CDK14: variants seen among roughly 807,000 people sequenced by gnomAD.
CDK14 encodes the protein cyclin dependent kinase 14, also known as cyclin-dependent kinase 14.
In CDK14, 34 loss-of-function variants were observed where a neutral mutation model predicts 60.7. The observed-to-expected ratio is 0.56, with a 90% CI of 0.43 to 0.75. The LOEUF (loss-of-function observed/expected upper bound fraction) is 0.75, where lower values mean the gene tolerates loss of function less well. Among genes scored for constraint, CDK14 ranks in the 30% least tolerant of loss-of-function variants. The probability of loss-of-function intolerance (pLI) is 0.00; values close to 1 mark genes in which losing one functional copy is unlikely to be tolerated. For synonymous variants in CDK14, 197 were observed against 203.7 expected, an observed-to-expected ratio of 0.97 and a Z score of 0.28; for missense variants, 482 against 564.1, an observed-to-expected ratio of 0.85 and a Z score of 1.47.
rs1792265478 is a variant in CDK14, at chr7:90,895,339, TCC to T, written c.640-3951_640-3950del. Among the ~76,000 whole-genome samples the T allele has an allele frequency of 1.0e-4, 9 of 87,984 alleles. 1 individual carries two copies. The highest frequency in any genetic ancestry group is 1.2e-4 in the Non-Finnish European group (5 of 41,894). The allele number at this position is 87,984 out of a possible 152,430, so 57.7% of individuals were successfully genotyped here. A position where few individuals can be genotyped will look rare whatever the true frequency, so the allele number is the denominator to read the frequency against. On this transcript the variant is annotated intron_variant, in intron 6 of 14. Coordinates refer to ENST00000380050, the MANE Select transcript of CDK14 (RefSeq NM_001287135.2). ...TTCTTTCCTCTCCTTTCCTCTCCTCTCCTCTCCTCTCCTCTCCTCACCTCTCC... is the reference window on the plus strand; with the variant it reads ...TTCTTTCCTCTCCTTTCCTCTCCTCTTCTCCTCTCCTCTCCTCACCTCTCC...
At chr7:90,836,686 A>C (rs1412181416) in intron 5 of CDK14, among the ~76,000 whole-genome samples, 1 of 152,350 alleles carries the variant, frequency 6.6e-6, no homozygotes, top group East Asian at 1.9e-4. Flanking sequence ...ATCATTATCA[A>C]GTATTATTGT....
intron 5 of CDK14, among the ~76,000 whole-genome samples, chr7:90,798,385 A>G (rs1421336459): frequency 6.6e-6 from 1 of 152,174 alleles, no homozygotes; most frequent in African/African-American, 2.4e-5. Flanking sequence ...TCCAGACACA[A>G]TAACTCCTCT....
chr7:90,691,418 G>A (rs899244320), intron 2 of CDK14, among the ~76,000 whole-genome samples: 7 of 152,284 alleles, frequency 4.6e-5, no homozygotes, highest in Non-Finnish European at 7.4e-5. Context: ...AGGCCATGAA[G>A]AAGTGACCCA....
At chr7:91,097,765 C>G (rs1298277225) in intron 12 of CDK14, among the ~76,000 whole-genome samples, 1 of 152,094 alleles carries the variant, frequency 6.6e-6, no homozygotes, top group Non-Finnish European at 1.5e-5. Flanking sequence ...TGGTGATGAT[C>G]ACCTCACAGG....
At chr7:90,997,423 T>A (rs1795716921) in intron 10 of CDK14, among the ~76,000 whole-genome samples, 1 of 152,214 alleles carries the variant, frequency 6.6e-6, no homozygotes, top group Non-Finnish European at 1.5e-5. Context: ...AGTTTAAAAA[T>A]TAAAGATGGT....
intron 4 of CDK14, among the ~76,000 whole-genome samples, chr7:90,763,728 T>C (rs904049036): frequency 6.6e-6 from 1 of 151,996 alleles, no homozygotes; most frequent in Admixed American, 6.6e-5. Flanking sequence ...GATGAGTTAA[T>C]GGGTGCAGCA....
chr7:91,134,568 A>G lies in CDK14; in HGVS notation c.*28+16360A>G, dbSNP rs1307563787. ...AGTGCAAATAAATTTTGAGAAGAAAATTTCTATTAAGAAAATGAATTTAGG... is the reference window on the plus strand; with the variant it reads ...AGTGCAAATAAATTTTGAGAAGAAAGTTTCTATTAAGAAAATGAATTTAGG... On this transcript the variant is annotated intron_variant, in intron 14 of 14. Transcript: ENST00000380050. 2.8e-4 allele frequency among the ~76,000 whole-genome samples: 43 copies of G among 152,020 alleles called. 1 individual carries two copies. The highest frequency in any genetic ancestry group is 1.5e-5 in the Non-Finnish European group (1 of 67,990).
chr7:91,174,431 C>G (rs931867489), intron 14 of CDK14, among the ~76,000 whole-genome samples: 28 of 151,596 alleles, frequency 1.8e-4, no homozygotes, highest in African/African-American at 6.5e-4. Context: ...CAGTTCCTCA[C>G]CAGCAACGGA....
At chr7:91,003,728 A>G (rs1386412559) in intron 10 of CDK14, among the ~76,000 whole-genome samples, 2 of 152,192 alleles carry the variant, frequency 1.3e-5, no homozygotes, top group African/African-American at 2.4e-5. Flanking sequence ...ACCCTGTTAC[A>G]TGGCCAGAAC....
At chr7:90,856,008 G>A (rs1790806577) in intron 5 of CDK14, among the ~76,000 whole-genome samples, 1 of 152,214 alleles carries the variant, frequency 6.6e-6, no homozygotes, top group Non-Finnish European at 1.5e-5. Context: ...CAAGAGAAGT[G>A]TGTAGTGGGA....
At chr7:90,942,856 G>A (rs1038440356) in intron 8 of CDK14, among the ~76,000 whole-genome samples, 32 of 152,112 alleles carry the variant, frequency 2.1e-4, no homozygotes, top group Non-Finnish European at 3.8e-4. Context: ...AGAATTTGCC[G>A]TTAAGTTGAT....
At chr7:90,784,351 C>T (rs1448959944) in intron 4 of CDK14, among the ~76,000 whole-genome samples, 1 of 152,006 alleles carries the variant, frequency 6.6e-6, no homozygotes, top group African/African-American at 2.4e-5. Context: ...TTTGGTAGCA[C>T]AATAGGATGA....
chr7:91,151,430 A>C (rs1006038634), intron 14 of CDK14, among the ~76,000 whole-genome samples: 5 of 152,220 alleles, frequency 3.3e-5, no homozygotes, highest in Admixed American at 6.5e-5. Context: ...TCACCTGTTA[A>C]AAGCCTGAGC....
intron 14 of CDK14, among the ~76,000 whole-genome samples, chr7:91,175,162 TAAAG>T (rs1446395316): frequency 6.6e-6 from 1 of 150,904 alleles, no homozygotes; most frequent in African/African-American, 2.4e-5. Flanking sequence ...TCAACATTCT[TAAAG>T]AAAAGAATTT....
In CDK14 at chr7:90,668,699, CTTTTT is replaced by C. The variant is rs59773768; in HGVS notation, c.124-57845_124-57841del. ...TATGGTGTAAGGAAGGACTCGCATT[CTTTTT>C]TTTTTTTTTTTTTTTTTTTTTTCAA... On this transcript the variant is annotated intron_variant, in intron 2 of 14. Coordinates refer to ENST00000380050, the MANE Select transcript of CDK14 (RefSeq NM_001287135.2). Among the ~76,000 whole-genome samples, 410 of 87,530 alleles carry C rather than the reference CTTTTT, an allele frequency of 4.7e-3. 36 individuals carry two copies. Among genetic ancestry groups the C allele is most frequent in the African/African-American group, 8.7e-3 (202 of 23,124 alleles). 57.4% of individuals were successfully genotyped at this position (87,530 alleles called of 152,430 possible).
At chr7:91,005,079 G>A (rs1186430216) in intron 10 of CDK14, among the ~76,000 whole-genome samples, 1 of 152,206 alleles carries the variant, frequency 6.6e-6, no homozygotes, top group Non-Finnish European at 1.5e-5. Context: ...CTGGCCCATA[G>A]CAGCAGGACA....
intron 5 of CDK14, among the ~76,000 whole-genome samples, chr7:90,816,324 G>C (rs1052265492): frequency 6.6e-6 from 1 of 152,184 alleles, no homozygotes; most frequent in African/African-American, 2.4e-5. Flanking sequence ...TATCTTGCTA[G>C]TAGGGTGTGT....
At chr7:90,629,592 G>C (rs1179827956) in intron 2 of CDK14, among the ~76,000 whole-genome samples, 2 of 152,230 alleles carry the variant, frequency 1.3e-5, no homozygotes, top group Non-Finnish European at 2.9e-5. Context: ...TTGGTGGGCA[G>C]GGGTTAAAGG....
chr7:91,071,411 G>T (rs571740626), intron 11 of CDK14, among the ~76,000 whole-genome samples: 1 of 151,870 alleles, frequency 6.6e-6, no homozygotes. Context: ...GTAGTGCGGC[G>T]GCCCACCTGA....
Sources: gnomAD v4.1 joint callset for allele counts (sites outside exome capture counted in the v4.1 genomes callset) on GRCh38, gnomAD v4.1.1 for gene constraint, MANE v1.5 for transcripts, NCBI Gene and HGNC (gene_info 2026-07-23, HGNC 2026-07-21) for gene names.